Variants in PPIL4 observed in about 807,000 individuals in gnomAD.
PPIL4 encodes peptidylprolyl isomerase like 4.
In PPIL4, 50 loss-of-function variants were observed where a neutral mutation model predicts 69.1. The ratio of observed to expected loss-of-function variants is 0.72; its 90% CI spans 0.58 to 0.92. The LOEUF is 0.92. Ranked by LOEUF, PPIL4 falls within the 40% of genes least tolerant of loss-of-function variation. PPIL4 has a pLI of 0.00. For synonymous variants in PPIL4, 193 were observed against 191.6 expected, an observed-to-expected ratio of 1.01 and a Z score of -0.06; for missense variants, 480 against 587.9, an observed-to-expected ratio of 0.82 and a Z score of 1.90.
rs754111104 is a variant in PPIL4, at chr6:149,534,696, A to G, written c.543T>C (p.Pro181=). 6.4e-6 allele frequency: 10 copies of G among 1,563,866 alleles called. No individual in the cohort carries two copies. The highest frequency in any genetic ancestry group is 1.4e-5 in the African/African-American group (1 of 73,746). The change falls in exon 6 of 13, where the codon CCT becomes CCC. Residue 181 remains proline (P), a synonymous_variant. Transcript: ENST00000253329. ...TACTTACATCTAATTGTTCCCTTGT[A>G]GGTTCTGGTGATCGATCAGGGATTA... The part of the protein sequence containing the change: ...DLLIPDRSPE[P]TREQLDSGRI...
chr6:149,507,699 A>T lies in PPIL4; in HGVS notation c.1228-1995T>A, dbSNP rs373532127. ...TTATGTAGCACTTCATTCTTTTAAA[A>T]ATTTGAGGAAGCTGAATATTTGAAT... On this transcript the variant is annotated intron_variant, in intron 12 of 12. Coordinates refer to ENST00000253329, the MANE Select transcript of PPIL4 (RefSeq NM_139126.4). Among the ~76,000 whole-genome samples the T allele has an allele frequency of 1.1e-3, 175 of 152,322 alleles. 1 individual carries two copies. The South Asian group carries it at 0.019, about 17-fold the overall frequency.
Position 149,540,975 on chromosome 6 carries a change from C to T in PPIL4, c.288G>A (p.Met96Ile). Residue 96 changes from methionine to isoleucine, a missense_variant, in exon 4 of 13, where the codon ATG becomes ATA. Met to Ile is a conservative substitution (Grantham distance 10, BLOSUM62 1). Coordinates refer to ENST00000253329, the MANE Select transcript of PPIL4 (RefSeq NM_139126.4). ...CATGTTGATCACTGCCATTATTCAC[C>T]ATGGACACTGTGCCTTTCTTCTTGT... ...IKHKKKGTVS[M>I]VNNGSDQHGS... The T allele has an allele frequency of 6.2e-7, 1 of 1,611,614 alleles. No individual in the cohort carries two copies. Among genetic ancestry groups the T allele is most frequent in the Non-Finnish European group, 8.5e-7 (1 of 1,178,150 alleles).
At chr6:149,539,851 C>T (rs901866298) in intron 4 of PPIL4, among the ~76,000 whole-genome samples, 9 of 152,062 alleles carry the variant, frequency 5.9e-5, no homozygotes, top group African/African-American at 1.7e-4. Flanking sequence ...ATTTTTTGGT[C>T]GGCCACGGTG....
At chr6:149,510,619 G>C (rs1002067843) in intron 12 of PPIL4, among the ~76,000 whole-genome samples, 1 of 152,016 alleles carries the variant, frequency 6.6e-6, no homozygotes, top group Non-Finnish European at 1.5e-5. Context: ...GCAGGTGCCT[G>C]TAATCCCACC....
rs1191072948 is a variant in PPIL4, at chr6:149,525,215, A to C, written c.804-6T>G. On this transcript the variant is annotated splice_polypyrimidine_tract_variant and splice_region_variant and intron_variant, in intron 8 of 12. Coordinates refer to ENST00000253329, the MANE Select transcript of PPIL4 (RefSeq NM_139126.4). ...AGTCTCGGATAACTTCACAACTGAA[A>C]GAAAGTATTTAAAAGTGACTTAAAA... The C allele has an allele frequency of 6.7e-7, 1 of 1,501,654 alleles. No homozygotes were observed. 93.0% of individuals were successfully genotyped at this position (1,501,654 alleles called of 1,614,324 possible).
chr6:149,525,876 G>A (rs1362973057), intron 8 of PPIL4, among the ~76,000 whole-genome samples: 1 of 152,064 alleles, frequency 6.6e-6, no homozygotes, highest in Non-Finnish European at 1.5e-5. Context: ...CAAGACGGAC[G>A]GATCACAAGG....
rs373364423 is a variant in PPIL4 at position 149,545,994 on chromosome 6, T to C, written c.12A>G (p.Leu4=). 2.0e-5 allele frequency: 32 copies of C among 1,581,908 alleles called. No homozygotes were observed. The highest frequency in any genetic ancestry group is 1.3e-4 in the South Asian group (11 of 87,644). ...CGACGTCGCCTAAAGTGGTCTCCAG[T>C]AGAACCGCCATGGCGCCCGCTCCTC... MAV[L]LETTLGDVVI... The change falls in exon 1 of 13, where the codon CTA becomes CTG. Residue 4 remains leucine, a synonymous_variant. Coordinates refer to ENST00000253329, the MANE Select transcript of PPIL4 (RefSeq NM_139126.4).
chr6:149,537,406 G>A (rs971462338), intron 4 of PPIL4, among the ~76,000 whole-genome samples: 14 of 151,956 alleles, frequency 9.2e-5, no homozygotes, highest in Non-Finnish European at 1.6e-4. Context: ...TCCCAAGGCC[G>A]TTAAGAATGA....
chr6:149,510,907 C>T (rs879571935), intron 12 of PPIL4, among the ~76,000 whole-genome samples: 41 of 151,822 alleles, frequency 2.7e-4, no homozygotes, highest in African/African-American at 8.0e-4. Flanking sequence ...TGTTTGCACA[C>T]GCATTTTTTT....
At chr6:149,529,383 T>C (rs1181454587) in intron 7 of PPIL4, among the ~76,000 whole-genome samples, 1 of 148,710 alleles carries the variant, frequency 6.7e-6, no homozygotes, top group African/African-American at 2.5e-5. Flanking sequence ...ACTTGAGCCC[T>C]GGAGGTCGGG....
intron 12 of PPIL4, among the ~76,000 whole-genome samples, chr6:149,509,244 T>C (rs1052713138): frequency 1.3e-5 from 2 of 152,170 alleles, no homozygotes; most frequent in African/African-American, 2.4e-5. Context: ...TCCCCCAAAA[T>C]CTTGATGCTT....
intron 9 of PPIL4, among the ~76,000 whole-genome samples, chr6:149,522,571 T>A (rs904761196): frequency 6.6e-6 from 1 of 152,180 alleles, no homozygotes; most frequent in Non-Finnish European, 1.5e-5. Flanking sequence ...TTTTATTATT[T>A]TTTTCATCAG....
chr6:149,512,004 C>T, intron 12 of PPIL4, 151 bp downstream of exon 12: 4 of 529,584 alleles, frequency 7.6e-6, no homozygotes, highest in Non-Finnish European at 1.3e-5. Flanking sequence ...AATTAAAATC[C>T]CATACCCCAG....
chr6:149,511,513 G>C (rs771849242), intron 12 of PPIL4, among the ~76,000 whole-genome samples: 1 of 152,036 alleles, frequency 6.6e-6, no homozygotes, highest in African/African-American at 2.4e-5. Flanking sequence ...AAGCTCAAGC[G>C]ATCTACCTGC....
intron 4 of PPIL4, among the ~76,000 whole-genome samples, chr6:149,538,065 G>A (rs1000860672): frequency 2.0e-5 from 3 of 151,836 alleles, no homozygotes; most frequent in African/African-American, 7.3e-5. Flanking sequence ...AGACCAGCCT[G>A]GCCAACACAG....
chr6:149,529,523 G>T (rs903583812), intron 7 of PPIL4, among the ~76,000 whole-genome samples: 4 of 152,028 alleles, frequency 2.6e-5, no homozygotes, highest in African/African-American at 9.7e-5. Context: ...AGCACTTTGG[G>T]AGGCTGAGGC....
intron 10 of PPIL4, among the ~76,000 whole-genome samples, chr6:149,518,550 C>G (rs1583205867): frequency 1.3e-5 from 2 of 152,016 alleles, no homozygotes; most frequent in East Asian, 3.9e-4. Flanking sequence ...ATAGGGTAAG[C>G]AAAAAAGACA....
At chr6:149,542,372 A>G (rs751100702) in intron 1 of PPIL4, among the ~76,000 whole-genome samples, 1 of 152,242 alleles carries the variant, frequency 6.6e-6, no homozygotes, top group Non-Finnish European at 1.5e-5. Flanking sequence ...TGCTTATCCA[A>G]TAAACATTTA....
At position 149,535,711 on chromosome 6, in the gene PPIL4, C is replaced by T. The variant is rs1365009216; in HGVS notation, c.349G>A (p.Asp117Asn). 6.2e-6 allele frequency: 10 copies of T among 1,607,708 alleles called. No individual in the cohort carries two copies. The highest frequency in any genetic ancestry group is 1.3e-5 in the African/African-American group (1 of 74,772). The change falls in exon 5 of 13, where the codon GAT becomes AAT. Residue 117 changes from aspartate (D) to asparagine (N), a missense_variant. Transcript: ENST00000253329. Reference sequence around the variant, plus strand: ...ACCGTATGGACACCATCAAGATAATCTAGATTTTCTCCTGTGGTGATAAGA... The same window carrying T: ...ACCGTATGGACACCATCAAGATAATTTAGATTTTCTCCTGTGGTGATAAGA... ...QFLITTGENL[D>N]YLDGVHTVFG...
Sources: allele counts gnomAD v4.1 joint callset (sites outside exome capture counted in the v4.1 genomes callset), GRCh38; gene constraint gnomAD v4.1.1; transcripts MANE v1.5; gene names NCBI Gene and HGNC (gene_info 2026-07-23, HGNC 2026-07-21).